Variants in HELLS observed in about 807,000 individuals in gnomAD.
HELLS encodes lymphoid-specific helicase.
A neutral mutation model predicts 120.0 loss-of-function variants in HELLS; 32 were observed. The observed-to-expected ratio is 0.27, with a 90% CI of 0.20 to 0.36. The LOEUF is 0.36. Ranked by LOEUF, HELLS falls within the 10% of genes least tolerant of loss-of-function variation. The pLI, the probability that HELLS is intolerant of heterozygous loss-of-function variation, is 1.00. For synonymous variants in HELLS, 341 were observed against 323.4 expected, an observed-to-expected ratio of 1.05 and a Z score of -0.58; for missense variants, 650 against 993.4, an observed-to-expected ratio of 0.65 and a Z score of 4.65.
chr10:94,560,121 C>T (rs1589711492), intron 4 of HELLS, among the ~76,000 whole-genome samples: 1 of 152,106 alleles, frequency 6.6e-6, no homozygotes, highest in East Asian at 2.0e-4. Flanking sequence ...CAACCTCTGT[C>T]TCCTGGGTTG....
intron 6 of HELLS, among the ~76,000 whole-genome samples, chr10:94,568,654 T>A (rs967336419): frequency 2.0e-5 from 3 of 152,188 alleles, no homozygotes; most frequent in Non-Finnish European, 4.4e-5. Flanking sequence ...CTTTTTATGG[T>A]TTCACAAGGA....
At chr10:94,571,581 A>G (rs886067387) in intron 7 of HELLS, 152 bp downstream of exon 7, 11 of 562,648 alleles carry the variant, frequency 2.0e-5, no homozygotes, top group South Asian at 9.3e-5. Flanking sequence ...CTTCTTCCAT[A>G]TCCAACATTC....
chr10:94,546,311 C>A (rs1465751971), intron 1 of HELLS, 66 bp from the exon 2 acceptor site: 2 of 1,602,154 alleles, frequency 1.2e-6, no homozygotes, highest in African/African-American at 1.3e-5. Flanking sequence ...AAGGCTGTTT[C>A]TTGTTGGAGT....
At chr10:94,584,013 C>T (rs1282813955) in intron 12 of HELLS, 2 of 737,692 alleles carry the variant, frequency 2.7e-6, no homozygotes, top group Non-Finnish European at 4.5e-6. Flanking sequence ...ATGTATGTGT[C>T]AGAGTTTACA....
chr10:94,573,799 G>A (rs1844300906), intron 7 of HELLS, among the ~76,000 whole-genome samples, 161 bp from the exon 8 acceptor site: 1 of 151,726 alleles, frequency 6.6e-6, no homozygotes, highest in South Asian at 2.1e-4. Context: ...ATTTGTAGAG[G>A]GATGGCGATG....
chr10:94,602,526 C>A (rs1426428255), downstream of HELLS, among the ~76,000 whole-genome samples: 1 of 152,130 alleles, frequency 6.6e-6, no homozygotes, highest in Non-Finnish European at 1.5e-5. Context: ...GGAGAGGGGA[C>A]ATACTCCATA....
chr10:94,556,808 A>G (rs559611370), intron 3 of HELLS, among the ~76,000 whole-genome samples: 62 of 152,264 alleles, frequency 4.1e-4, no homozygotes, highest in African/African-American at 1.4e-3. Context: ...GGAGTACTTT[A>G]AAGATGTTTC....
intron 2 of HELLS, among the ~76,000 whole-genome samples, chr10:94,548,947 T>C (rs2134268125): frequency 6.6e-6 from 1 of 152,222 alleles, no homozygotes; most frequent in East Asian, 1.9e-4. Context: ...TGAGCCGAGA[T>C]GGCATCACTG....
At chr10:94,579,817 T>G (rs563219779) in intron 10 of HELLS, among the ~76,000 whole-genome samples, 1 of 152,180 alleles carries the variant, frequency 6.6e-6, no homozygotes, top group South Asian at 2.1e-4. Flanking sequence ...CTGCATTCAC[T>G]TTTGCAACTT....
intron 15 of HELLS, among the ~76,000 whole-genome samples, chr10:94,591,989 T>A (rs1337141817): frequency 6.6e-6 from 1 of 151,998 alleles, no homozygotes; most frequent in Non-Finnish European, 1.5e-5. Context: ...GAGAGAGGAG[T>A]GTTGAGGTTA....
At chr10:94,556,286 G>A (rs529193131) in intron 3 of HELLS, among the ~76,000 whole-genome samples, 1 of 152,202 alleles carries the variant, frequency 6.6e-6, no homozygotes, top group African/African-American at 2.4e-5. Flanking sequence ...ATTGTTGAGT[G>A]TGTAGGGAGA....
intron 15 of HELLS, among the ~76,000 whole-genome samples, chr10:94,591,035 T>C (rs1009868165): frequency 1.1e-4 from 17 of 152,218 alleles, no homozygotes; most frequent in South Asian, 2.1e-4. Flanking sequence ...GGTCTTGCTA[T>C]GTTTCTCAGG....
intron 10 of HELLS, 149 bp downstream of exon 10, chr10:94,576,954 G>T: frequency 1.5e-6 from 1 of 652,732 alleles, no homozygotes. Flanking sequence ...GTAGAAGCTG[G>T]AAACTTTTAT....
exon 10 of HELLS, chr10:94,611,270 G>C (rs1451297198): frequency 6.6e-6 from 1 of 152,136 alleles, no homozygotes; most frequent in African/African-American, 2.4e-5. Context: ...GGTTTAAATG[G>C]GTTAGTGCAC....
chr10:94,554,287 A>T, intron 3 of HELLS, 39 bp downstream of exon 3: 1 of 1,425,652 alleles, frequency 7.0e-7, no homozygotes, highest in Non-Finnish European at 9.4e-7. Flanking sequence ...AAGCTTAAAA[A>T]AATTTAAAAA....
intron 10 of HELLS, among the ~76,000 whole-genome samples, chr10:94,581,086 T>A (rs1844846180): frequency 6.6e-6 from 1 of 152,188 alleles, no homozygotes; most frequent in Non-Finnish European, 1.5e-5. Context: ...TCAAAATAGG[T>A]GGAGTTCAAA....
chr10:94,563,896 C>T (rs1057313737), intron 6 of HELLS, among the ~76,000 whole-genome samples: 21 of 151,088 alleles, frequency 1.4e-4, no homozygotes, highest in Non-Finnish European at 2.4e-4. Flanking sequence ...CCGCATCCTC[C>T]GCTTCCCAGG....
intron 9 of HELLS, among the ~76,000 whole-genome samples, chr10:94,609,546 G>T (rs971420750): frequency 6.6e-6 from 1 of 152,106 alleles, no homozygotes; most frequent in African/African-American, 2.4e-5. Flanking sequence ...AGAATCCCTC[G>T]TGAGACCAGA....
chr10:94,566,000 C>G (rs1424097048), intron 6 of HELLS, among the ~76,000 whole-genome samples: 1 of 152,066 alleles, frequency 6.6e-6, no homozygotes, highest in African/African-American at 2.4e-5. Flanking sequence ...TCAAGTGATC[C>G]TCGTATCTCA....
Sources: allele counts gnomAD v4.1 joint callset (sites outside exome capture counted in the v4.1 genomes callset), GRCh38; gene constraint gnomAD v4.1.1; transcripts MANE v1.5; gene names NCBI Gene and HGNC (gene_info 2026-07-23, HGNC 2026-07-21).